The following KCNB2 variants were observed in gnomAD, a reference collection of about 807,000 sequenced individuals.
KCNB2 encodes the protein delayed rectifier potassium channel protein.
In KCNB2, 15 loss-of-function variants were observed where a neutral mutation model predicts 61.5. That is an observed-to-expected ratio of 0.24 (90% CI 0.16 to 0.38). The LOEUF is 0.38. KCNB2 is among the 10% of genes least tolerant of loss of function. KCNB2 has a pLI of 1.00. For missense variants in KCNB2, 828 were observed against 1,125.2 expected, an observed-to-expected ratio of 0.74 and a Z score of 3.78; for synonymous variants, 457 against 446.0, an observed-to-expected ratio of 1.02 and a Z score of -0.31.
At position 72,937,959 on chromosome 8, in the gene KCNB2, C is replaced by T. The variant is rs1430028904; in HGVS notation, c.2604C>T (p.Tyr868=). Reference sequence around the variant, plus strand: ...GTCACAACTGTAGGCAAGACATTTACCATGCTGTGAGTGAAGTCAAAAAGG... The same window carrying T: ...GTCACAACTGTAGGCAAGACATTTATCATGCTGTGAGTGAAGTCAAAAAGG... The part of the protein sequence containing the change: ...DTGHNCRQDI[Y]HAVSEVKKDS... The change falls in exon 3 of 3, where the codon TAC becomes TAT. Residue 868 remains tyrosine, a synonymous_variant. Transcript: ENST00000523207. The T allele has an allele frequency of 3.7e-6, 6 of 1,613,966 alleles. No individual in the cohort carries two copies. The highest frequency in any genetic ancestry group is 5.1e-6 in the Non-Finnish European group (6 of 1,180,016).
At chr8:72,610,120 C>A (rs1036886729) in intron 2 of KCNB2, among the ~76,000 whole-genome samples, 13 of 152,090 alleles carry the variant, frequency 8.5e-5, no homozygotes, top group African/African-American at 2.9e-4. Flanking sequence ...AAAAAAAAAT[C>A]TTCAAATCAA....
intron 2 of KCNB2, among the ~76,000 whole-genome samples, chr8:72,583,008 G>A (rs1806931339): frequency 1.3e-5 from 2 of 151,902 alleles, no homozygotes; most frequent in Admixed American, 6.6e-5. Context: ...AATAATAATG[G>A]TATCAGCTTA....
intron 2 of KCNB2, among the ~76,000 whole-genome samples, chr8:72,693,280 T>C (rs1250522313): frequency 6.6e-6 from 1 of 152,186 alleles, no homozygotes; most frequent in Non-Finnish European, 1.5e-5. Context: ...AGCACTTTTC[T>C]TACCCCAGTT....
intron 2 of KCNB2, among the ~76,000 whole-genome samples, chr8:72,745,977 A>G (rs1808057469): frequency 6.6e-6 from 1 of 152,150 alleles, no homozygotes; most frequent in Non-Finnish European, 1.5e-5. Context: ...AAGCCAGTCA[A>G]ATTTTTGCTT....
chr8:72,904,177 C>A (rs1351940822), intron 2 of KCNB2, among the ~76,000 whole-genome samples: 2 of 152,118 alleles, frequency 1.3e-5, no homozygotes, highest in Admixed American at 6.6e-5. Flanking sequence ...CATCACCAAT[C>A]ACTTTCATCA....
intron 2 of KCNB2, among the ~76,000 whole-genome samples, chr8:72,671,743 A>C (rs560911946): frequency 1.1e-3 from 170 of 152,252 alleles, no homozygotes; most frequent in African/African-American, 3.8e-3. Flanking sequence ...GGTCAATATA[A>C]TCTTAGCAGT....
chr8:72,582,889 G>A (rs1806928999), intron 2 of KCNB2, among the ~76,000 whole-genome samples: 2 of 152,002 alleles, frequency 1.3e-5, no homozygotes, highest in Non-Finnish European at 2.9e-5. Flanking sequence ...CAAAATGCTG[G>A]GATTACAGGC....
At chr8:72,561,758 T>TAC (rs1806530744) in intron 1 of KCNB2, among the ~76,000 whole-genome samples, 1 of 25,728 alleles carries the variant, frequency 3.9e-5, no homozygotes. Flanking sequence ...TATATATATA[T>TAC]ATGGATATAT....
rs139893432 is a variant in KCNB2, at chr8:72,681,559, A to G, written c.579+113246A>G. Among the ~76,000 whole-genome samples the G allele has an allele frequency of 7.2e-5, 11 of 152,310 alleles. No homozygotes were observed. In the East Asian group the frequency reaches 1.9e-3, roughly 27 times the overall value. Reference sequence around the variant, plus strand: ...GGAACACCTCTGAAGGACCTGCCTGAGGGTGTTTTACAATAAACTTTTTAA... The same window carrying G: ...GGAACACCTCTGAAGGACCTGCCTGGGGGTGTTTTACAATAAACTTTTTAA... On this transcript the variant is annotated intron_variant, in intron 2 of 2. Coordinates refer to ENST00000523207, the MANE Select transcript of KCNB2 (RefSeq NM_004770.3).
chr8:72,774,261 A>G (rs1808610671), intron 2 of KCNB2, among the ~76,000 whole-genome samples: 1 of 151,996 alleles, frequency 6.6e-6, no homozygotes, highest in South Asian at 2.1e-4. Context: ...CATTCTGCCC[A>G]TTTTTCTTAT....
At chr8:72,546,170 G>A (rs192989235) in intron 1 of KCNB2, among the ~76,000 whole-genome samples, 9 of 120,282 alleles carry the variant, frequency 7.5e-5, no homozygotes, top group African/African-American at 3.1e-4. Context: ...TTCAAAGCTA[G>A]CAGAGGTTGG....
intron 2 of KCNB2, among the ~76,000 whole-genome samples, chr8:72,702,186 A>G (rs927723333): frequency 6.6e-6 from 1 of 152,198 alleles, no homozygotes; most frequent in Admixed American, 6.5e-5. Flanking sequence ...ATACCAAAAC[A>G]TAAATTAACT....
At chr8:72,736,108 G>C (rs1807840142) in intron 2 of KCNB2, among the ~76,000 whole-genome samples, 1 of 152,034 alleles carries the variant, frequency 6.6e-6, no homozygotes, top group African/African-American at 2.4e-5. Context: ...AGCAAAACTT[G>C]GCCTGAACTG....
At chr8:72,680,572 T>C (rs1226870682) in intron 2 of KCNB2, among the ~76,000 whole-genome samples, 6 of 152,088 alleles carry the variant, frequency 3.9e-5, no homozygotes, top group African/African-American at 1.4e-4. Context: ...GGCTGTCCCA[T>C]AGTCCAGGTG....
intron 2 of KCNB2, among the ~76,000 whole-genome samples, chr8:72,684,734 T>A (rs923086844): frequency 1.3e-4 from 20 of 152,166 alleles, no homozygotes; most frequent in Admixed American, 1.0e-3. Flanking sequence ...AAACAGACTA[T>A]CACTAGGAGG....
intron 2 of KCNB2, chr8:72,660,466 G>T (rs1431638124): frequency 6.6e-6 from 1 of 152,226 alleles, no homozygotes; most frequent in Non-Finnish European, 1.5e-5. Flanking sequence ...TGGCCACCCA[G>T]AGGATTCCCT....
chr8:72,710,531 A>G (rs781174511), intron 2 of KCNB2, among the ~76,000 whole-genome samples: 4 of 152,126 alleles, frequency 2.6e-5, no homozygotes, highest in Non-Finnish European at 4.4e-5. Context: ...AAGAGCAAAA[A>G]CTAAAGGAAA....
At chr8:72,889,642 G>A (rs555178058) in intron 2 of KCNB2, among the ~76,000 whole-genome samples, 12 of 152,098 alleles carry the variant, frequency 7.9e-5, no homozygotes, top group South Asian at 4.2e-4. Context: ...AGCCAAGATC[G>A]TACTACTGCA....
intron 2 of KCNB2, among the ~76,000 whole-genome samples, chr8:72,892,219 C>T (rs1474868107): frequency 1.3e-5 from 2 of 152,120 alleles, no homozygotes; most frequent in African/African-American, 4.8e-5. Context: ...ATACTGGGCT[C>T]TCACTATTTG....
Sources: gnomAD v4.1 joint callset for allele counts (sites outside exome capture counted in the v4.1 genomes callset) on GRCh38, gnomAD v4.1.1 for gene constraint, MANE v1.5 for transcripts, NCBI Gene and HGNC (gene_info 2026-07-23, HGNC 2026-07-21) for gene names.